Variants in DCDC2C observed in about 807,000 individuals in gnomAD.
The protein encoded by DCDC2C is doublecortin domain containing 2C, also known as doublecortin domain-containing protein 2C.
A neutral mutation model predicts 45.0 loss-of-function variants in DCDC2C; 44 were observed. The observed-to-expected ratio is 0.98, with a 90% CI of 0.77 to 1.26. The LOEUF is 1.26. DCDC2C is among the 50% of genes most tolerant of loss of function. The pLI, the probability that DCDC2C is intolerant of heterozygous loss-of-function variation, is 0.00. For synonymous variants in DCDC2C, 187 were observed against 178.8 expected, an observed-to-expected ratio of 1.05 and a Z score of -0.37; for missense variants, 447 against 468.9, an observed-to-expected ratio of 0.95 and a Z score of 0.43.
At chr2:3,728,501 T>C (rs534742313) in intron 3 of DCDC2C, among the ~76,000 whole-genome samples, 1 of 152,220 alleles carries the variant, frequency 6.6e-6, no homozygotes, top group African/African-American at 2.4e-5. Flanking sequence ...CCACATTTTA[T>C]GTGCGTGACC....
At chr2:3,795,396 C>G (rs1462656833) in intron 10 of DCDC2C, among the ~76,000 whole-genome samples, 3 of 127,058 alleles carry the variant, frequency 2.4e-5, no homozygotes, top group South Asian at 2.6e-4. Context: ...TCAATTTTGT[C>G]TTTTGTTGCC....
intron 6 of DCDC2C, among the ~76,000 whole-genome samples, chr2:3,763,730 C>T (rs992937230): frequency 2.0e-5 from 3 of 152,298 alleles, no homozygotes; most frequent in East Asian, 1.9e-4. Flanking sequence ...CACAGCCCAC[C>T]GTTTAGAATG....
intron 6 of DCDC2C, among the ~76,000 whole-genome samples, chr2:3,759,735 A>G (rs1452909647): frequency 6.6e-6 from 1 of 152,190 alleles, no homozygotes; most frequent in East Asian, 1.9e-4. Flanking sequence ...GCATAAAAGT[A>G]TTTTCGATGT....
intron 8 of DCDC2C, among the ~76,000 whole-genome samples, chr2:3,776,965 G>T (rs1198596379): frequency 6.6e-6 from 1 of 152,130 alleles, no homozygotes; most frequent in Non-Finnish European, 1.5e-5. Context: ...GGACTCTGTA[G>T]TTTTACCTCC....
In DCDC2C at chr2:3,725,266, T is replaced by C. The variant is rs11889254; in HGVS notation, c.340-1737T>C. On this transcript the variant is annotated intron_variant, in intron 2 of 10. Transcript: ENST00000399143. ...CCAGCGCTGGGCCTTGGAAGGGCAG[T>C]GTACATGTGCCCTGGAGGTGGAGAG... 9.6e-3 allele frequency among the ~76,000 whole-genome samples: 1,466 copies of C among 152,230 alleles called. 27 individuals are homozygous for C. Among genetic ancestry groups the C allele is most frequent in the African/African-American group, 0.033 (1,366 of 41,536 alleles).
At chr2:3,837,418 G>A (rs1263835334) in intron 10 of DCDC2C, among the ~76,000 whole-genome samples, 2 of 152,162 alleles carry the variant, frequency 1.3e-5, no homozygotes, top group African/African-American at 4.8e-5. Flanking sequence ...TGGAAGTAGT[G>A]GGAATGGAGA....
At chr2:3,769,274 T>A in intron 7 of DCDC2C, 37 bp from the exon 8 acceptor site, 1 of 1,535,524 alleles carries the variant, frequency 6.5e-7, no homozygotes. Context: ...AGCTTCTCCA[T>A]GGGTTTCAAA....
intron 4 of DCDC2C, 120 bp from the exon 5 acceptor site, chr2:3,752,643 T>C: frequency 8.2e-7 from 1 of 1,219,276 alleles, no homozygotes; most frequent in Non-Finnish European, 1.2e-6. Context: ...GTGCTTACGA[T>C]GAGCACTGTT....
At chr2:3,833,746 T>C (rs1672006238) in intron 10 of DCDC2C, among the ~76,000 whole-genome samples, 1 of 152,198 alleles carries the variant, frequency 6.6e-6, no homozygotes, top group Non-Finnish European at 1.5e-5. Flanking sequence ...TTAGGACTAA[T>C]GAAAATAAAT....
At chr2:3,842,637 T>TAAAAA (rs3067135) in intron 10 of DCDC2C, among the ~76,000 whole-genome samples, 7 of 139,252 alleles carry the variant, frequency 5.0e-5, no homozygotes, top group Admixed American at 1.4e-4. Flanking sequence ...TAATTTGCAG[T>TAAAAA]AAAAAAAAAA....
Position 3,734,083 on chromosome 2 carries a change from G to A in DCDC2C, c.416+7004G>A, listed in dbSNP as rs914093068. 6.6e-5 allele frequency among the ~76,000 whole-genome samples: 10 copies of A among 152,220 alleles called. No individual in the cohort carries two copies. Among genetic ancestry groups the A allele is most frequent in the African/African-American group, 2.4e-4 (10 of 41,456 alleles). On this transcript the variant is annotated intron_variant, in intron 3 of 10. Transcript: ENST00000399143. This position sits in a 1 kb window ranked among gnomAD's most constrained non-coding sequence, Gnocchi z 4.2. ...AGTGCCTCCAGAAGTTCTGCTATTTGACTGGGCTACCGGCTGCTGTCGTAA... is the reference window on the plus strand; with the variant it reads ...AGTGCCTCCAGAAGTTCTGCTATTTAACTGGGCTACCGGCTGCTGTCGTAA...
intron 3 of DCDC2C, among the ~76,000 whole-genome samples, chr2:3,741,494 C>T (rs1003369215): frequency 6.6e-6 from 1 of 152,112 alleles, no homozygotes; most frequent in Admixed American, 6.5e-5. Flanking sequence ...AGCCCCAGAG[C>T]CTGCCCGTCT....
chr2:3,728,444 C>T (rs181462325), intron 3 of DCDC2C, among the ~76,000 whole-genome samples: 39 of 152,342 alleles, frequency 2.6e-4, no homozygotes, highest in Admixed American at 1.4e-3. Context: ...CCTCAGGGAA[C>T]GTCGTTGGTT....
At position 3,783,403 on chromosome 2, in the gene DCDC2C, C is replaced by T. The variant is rs146073808; in HGVS notation, c.1024-1656C>T. Among the ~76,000 whole-genome samples the T allele has an allele frequency of 1.4e-4, 21 of 152,300 alleles. No homozygotes were observed. In the East Asian group the frequency reaches 1.9e-3, roughly 14 times the overall value. ...CACTGCAGAGCCAGCCTCGTCCTTA[C>T]GGCTCTCTGGATCCTTCTTCCCCAG... On this transcript the variant is annotated intron_variant, in intron 9 of 10. Coordinates refer to ENST00000399143, the MANE Select transcript of DCDC2C (RefSeq NM_001287444.2).
At chr2:3,713,439 C>G (rs10194442) in intron 2 of DCDC2C, among the ~76,000 whole-genome samples, 57,988 of 151,938 alleles carry the variant, frequency 0.38, 11,471 homozygotes, top group Middle Eastern at 0.45. Flanking sequence ...GGCCTTCCCC[C>G]CTCTGCTGCT....
At chr2:3,816,717 G>A (rs1671567326) in intron 10 of DCDC2C, among the ~76,000 whole-genome samples, 1 of 152,196 alleles carries the variant, frequency 6.6e-6, no homozygotes, top group South Asian at 2.1e-4. Flanking sequence ...AGAGACTTAA[G>A]GGTGGCAGTT....
rs1395687027 is a variant in DCDC2C, at chr2:3,813,055, ATATATATATATATTTTTTTTT to A, written c.1065+27957_1065+27977del. ...GAGAAGAACGTATATATATATATAT[ATATATATATATATTTTTTTTT>A]TTTTGCTGTTTTTGAGATGGAATCT... is the stretch of plus-strand genomic sequence containing the variant. On this transcript the variant is annotated intron_variant, in intron 10 of 10. Transcript: ENST00000399143. 1.2e-4 allele frequency among the ~76,000 whole-genome samples: 12 copies of A among 97,702 alleles called. No homozygotes were observed. The East Asian group carries it at 2.5e-3, about 21-fold the overall frequency. The allele number at this position is 97,702 out of a possible 152,430, so 64.1% of individuals were successfully genotyped here.
At chr2:3,801,159 C>G (rs1175976480) in intron 10 of DCDC2C, among the ~76,000 whole-genome samples, 1 of 152,236 alleles carries the variant, frequency 6.6e-6, no homozygotes, top group Non-Finnish European at 1.5e-5. Flanking sequence ...CTTTCAACAA[C>G]AGTATCGCAT....
chr2:3,755,638 A>G (rs1244381255), intron 6 of DCDC2C, among the ~76,000 whole-genome samples: 2 of 151,420 alleles, frequency 1.3e-5, no homozygotes, highest in Non-Finnish European at 3.0e-5. Flanking sequence ...TGTGCCTATG[A>G]CTACATATGT....
Sources: allele counts gnomAD v4.1 joint callset (sites outside exome capture counted in the v4.1 genomes callset), GRCh38; gene constraint gnomAD v4.1.1; non-coding constraint Gnocchi (gnomAD v3.1); transcripts MANE v1.5; gene names NCBI Gene and HGNC (gene_info 2026-07-23, HGNC 2026-07-21).